CCDC60: variants seen among roughly 807,000 people sequenced by gnomAD.
The protein encoded by CCDC60 is coiled-coil domain containing 60.
A neutral mutation model predicts 63.5 loss-of-function variants in CCDC60; 54 were observed. That is an observed-to-expected ratio of 0.85 (90% CI 0.68 to 1.07). CCDC60 has a LOEUF of 1.07. Among genes scored for constraint, CCDC60 ranks in the 50% least tolerant of loss-of-function variants. CCDC60 has a pLI of 0.00. For missense variants in CCDC60, 651 were observed against 684.3 expected (o/e 0.95, Z 0.54); for synonymous variants, 206 against 238.8 (o/e 0.86, Z 1.27).
At chr12:119,405,967 T>C (rs1407338175) in intron 1 of CCDC60, among the ~76,000 whole-genome samples, 1 of 151,912 alleles carries the variant, frequency 6.6e-6, no homozygotes, top group Non-Finnish European at 1.5e-5. Flanking sequence ...AGATCAGGAG[T>C]TCGAGACCAG....
chr12:119,523,631 C>T, intron 10 of CCDC60, 62 bp from the exon 11 acceptor site: 2 of 1,602,846 alleles, frequency 1.2e-6, no homozygotes, highest in South Asian at 1.1e-5. Context: ...AGAGTGGGAC[C>T]CAGGTTACTA....
intron 4 of CCDC60, among the ~76,000 whole-genome samples, chr12:119,482,564 G>A (rs76411671): frequency 1.3e-5 from 2 of 152,312 alleles, no homozygotes; most frequent in African/African-American, 4.8e-5. Context: ...CCCACAGGCT[G>A]TAGTTTGCTG....
chr12:119,460,151 C>T (rs1027215436), intron 2 of CCDC60, among the ~76,000 whole-genome samples: 2 of 152,106 alleles, frequency 1.3e-5, no homozygotes, highest in Non-Finnish European at 2.9e-5. Flanking sequence ...GGGCCAGCAC[C>T]ACGGGTAAAT....
Position 119,472,005 on chromosome 12 carries a change from A to C in CCDC60, c.182A>C (p.Gln61Pro), listed in dbSNP as rs980653339. 3.1e-6 allele frequency: 5 copies of C among 1,612,740 alleles called. No homozygotes were observed. Among genetic ancestry groups the C allele is most frequent in the Non-Finnish European group, 4.2e-6 (5 of 1,179,638 alleles). The change falls in exon 3 of 14, where the codon CAG becomes CCG. Residue 61 changes from glutamine (Q) to proline (P), a missense_variant. By Grantham distance (76) the Gln-to-Pro change is moderately conservative. Transcript: ENST00000327554. ...KDLIRSRFLIQSVKIGRGYFA... is the reference protein window; with the variant it reads ...KDLIRSRFLIPSVKIGRGYFA... ...CTGCATGTCTCCAGCTTTTTGATCC[A>C]GTCTGTGAAGATAGGCCGTGGATAT...
chr12:119,363,629 T>A (rs934110639), intron 1 of CCDC60, among the ~76,000 whole-genome samples: 2 of 152,192 alleles, frequency 1.3e-5, no homozygotes, highest in African/African-American at 4.8e-5. Context: ...TATCCAGGCA[T>A]TCATACATTT....
At chr12:119,361,578 T>A (rs1487388721) in intron 1 of CCDC60, among the ~76,000 whole-genome samples, 2 of 152,168 alleles carry the variant, frequency 1.3e-5, no homozygotes, top group Non-Finnish European at 2.9e-5. Flanking sequence ...GAATCACCCC[T>A]GAGTTATTCA....
chr12:119,361,187 G>C (rs373565103), intron 1 of CCDC60, among the ~76,000 whole-genome samples: 9 of 126,042 alleles, frequency 7.1e-5, no homozygotes, highest in African/African-American at 2.5e-4. Flanking sequence ...AGAGGGAGAG[G>C]GAGAGGGAGA....
Position 119,523,712 on chromosome 12 carries a change from A to T in CCDC60, c.1123A>T (p.Asn375Tyr). ...KSKNRTNCDI[N>Y]IHYKSGVCNT... ...CCACAGCCGCACTAATTGTGACATCAACATCCACTACAAGAGTGGGGTGTG... is the reference window on the plus strand; with the variant it reads ...CCACAGCCGCACTAATTGTGACATCTACATCCACTACAAGAGTGGGGTGTG... The change falls in exon 11 of 14, where the codon AAC (asparagine) becomes TAC (tyrosine). Residue 375 changes from asparagine to tyrosine, a missense_variant. Asn to Tyr is a moderately radical substitution (Grantham distance 143). Transcript: ENST00000327554. 6.2e-7 allele frequency: 1 copy of T among 1,614,166 alleles called. No individual in the cohort carries two copies. The highest frequency in any genetic ancestry group is 8.5e-7 in the Non-Finnish European group (1 of 1,179,986).
At chr12:119,441,364 G>C (rs1473737321) in intron 2 of CCDC60, among the ~76,000 whole-genome samples, 1 of 152,166 alleles carries the variant, frequency 6.6e-6, no homozygotes, top group Non-Finnish European at 1.5e-5. Context: ...GACACTACAC[G>C]CAATAAGCTC....
chr12:119,413,864 G>A (rs565775050), intron 1 of CCDC60, among the ~76,000 whole-genome samples: 3 of 152,090 alleles, frequency 2.0e-5, no homozygotes, highest in African/African-American at 7.2e-5. Context: ...TTTACTGAAG[G>A]GTTCACAGAA....
chr12:119,416,849 C>T (rs867684930), intron 1 of CCDC60, among the ~76,000 whole-genome samples: 14 of 152,042 alleles, frequency 9.2e-5, no homozygotes, highest in Middle Eastern at 3.4e-3. Context: ...GGCCGGTCGA[C>T]GTGGCTCATG....
intron 13 of CCDC60, among the ~76,000 whole-genome samples, chr12:119,533,899 C>T (rs1372602124): frequency 1.3e-5 from 2 of 152,092 alleles, no homozygotes; most frequent in Non-Finnish European, 2.9e-5. Context: ...CTTGACAATA[C>T]GGGCTCTTTT....
chr12:119,507,880 T>C (rs1264708367), intron 7 of CCDC60, among the ~76,000 whole-genome samples: 2 of 151,886 alleles, frequency 1.3e-5, no homozygotes, highest in Non-Finnish European at 2.9e-5. Flanking sequence ...AAATAAGAAA[T>C]CCCTAGGCTG....
chr12:119,403,713 T>G (rs1297531166), intron 1 of CCDC60, among the ~76,000 whole-genome samples: 1 of 152,058 alleles, frequency 6.6e-6, no homozygotes, highest in Non-Finnish European at 1.5e-5. Flanking sequence ...ACCAACCCTA[T>G]TGCTATGCTC....
At chr12:119,483,335 G>A (rs16949246) in intron 4 of CCDC60, among the ~76,000 whole-genome samples, 3,505 of 152,330 alleles carry the variant, frequency 0.023, 128 homozygotes, top group African/African-American at 0.077. Flanking sequence ...AGTCCCTTCA[G>A]TCCCTGTGTG....
chr12:119,483,744 C>T (rs984307610), intron 4 of CCDC60, among the ~76,000 whole-genome samples: 3 of 152,184 alleles, frequency 2.0e-5, no homozygotes, highest in African/African-American at 4.8e-5. Context: ...GGCACTCGCC[C>T]GGAGTTCTGA....
At chr12:119,453,330 T>C (rs1950668241) in intron 2 of CCDC60, among the ~76,000 whole-genome samples, 1 of 152,206 alleles carries the variant, frequency 6.6e-6, no homozygotes, top group African/African-American at 2.4e-5. Context: ...CATCGTCATT[T>C]TCTTTAATGA....
rs76939103 is a variant in CCDC60 at position 119,442,166 on chromosome 12, A to T, written c.170+13404A>T. Reference sequence around the variant, plus strand: ...GGATCCACGTGTATTTTTTACAGAAAAAAAACATTCCGTATAGACTACTTG... The same window carrying T: ...GGATCCACGTGTATTTTTTACAGAATAAAAACATTCCGTATAGACTACTTG... On this transcript the variant is annotated intron_variant, in intron 2 of 13. Coordinates refer to ENST00000327554, the MANE Select transcript of CCDC60 (RefSeq NM_178499.5). 6.2e-3 allele frequency among the ~76,000 whole-genome samples: 942 copies of T among 152,354 alleles called. 11 individuals carry two copies. Among genetic ancestry groups the T allele is most frequent in the African/African-American group, 0.021 (890 of 41,584 alleles).
intron 1 of CCDC60, among the ~76,000 whole-genome samples, chr12:119,385,950 A>T (rs1956055649): frequency 6.6e-6 from 1 of 152,142 alleles, no homozygotes; most frequent in African/African-American, 2.4e-5. Context: ...TCCAATTCCC[A>T]GTTTGAGTGC....
Sources: gnomAD v4.1 joint callset for allele counts (sites outside exome capture counted in the v4.1 genomes callset) on GRCh38, gnomAD v4.1.1 for gene constraint, MANE v1.5 for transcripts, NCBI Gene and HGNC (gene_info 2026-07-23, HGNC 2026-07-21) for gene names.